Variants in EPHA7 observed in about 807,000 individuals in gnomAD.
The protein encoded by EPHA7 is EPH receptor A7.
A neutral mutation model predicts 112.6 loss-of-function variants in EPHA7; 25 were observed. That is an observed-to-expected ratio of 0.22 (90% CI 0.16 to 0.31). The LOEUF (loss-of-function observed/expected upper bound fraction) is 0.31. EPHA7 is among the 10% of genes least tolerant of loss of function. The pLI is 1.00. For synonymous variants in EPHA7, 437 were observed against 406.5 expected, an observed-to-expected ratio of 1.07 and a Z score of -0.90; for missense variants, 962 against 1,212.6, an observed-to-expected ratio of 0.79 and a Z score of 3.07.
At chr6:93,383,410 T>A (rs935326149) in intron 3 of EPHA7, among the ~76,000 whole-genome samples, 2 of 151,756 alleles carry the variant, frequency 1.3e-5, no homozygotes, top group Admixed American at 6.6e-5. Flanking sequence ...TTCCTCAGTT[T>A]AACGTGAGGA....
rs532884380 is a variant in EPHA7 at position 93,292,599 on chromosome 6, T to C, written c.1325-20177A>G. 7.9e-5 allele frequency among the ~76,000 whole-genome samples: 12 copies of C among 152,252 alleles called. No homozygotes were observed. In the South Asian group the frequency reaches 2.5e-3, roughly 32 times the overall value. On this transcript the variant is annotated intron_variant, in intron 5 of 16. Coordinates refer to ENST00000369303, the MANE Select transcript of EPHA7 (RefSeq NM_004440.4). ...TACTGTATTAGGCTATTAATATCTA[T>C]TGCTTTAGATCAATATCCAAGAAAT...
intron 5 of EPHA7, among the ~76,000 whole-genome samples, chr6:93,309,822 TG>T (rs1421353760): frequency 1.3e-5 from 2 of 152,166 alleles, no homozygotes; most frequent in Non-Finnish European, 2.9e-5. Context: ...CATGAGTAGT[TG>T]CACAATTAAA....
chr6:93,294,190 T>C (rs771418748), intron 5 of EPHA7, among the ~76,000 whole-genome samples: 3 of 152,216 alleles, frequency 2.0e-5, no homozygotes, highest in African/African-American at 4.8e-5. Flanking sequence ...ATGTTAGCTA[T>C]GGAAAAAGTC....
At chr6:93,304,165 AG>A (rs1562083091) in intron 5 of EPHA7, among the ~76,000 whole-genome samples, 1 of 152,118 alleles carries the variant, frequency 6.6e-6, no homozygotes, top group East Asian at 1.9e-4. Context: ...CTTGTAGTAT[AG>A]TAATTATACT....
At position 93,285,787 on chromosome 6, in the gene EPHA7, C is replaced by T. The variant is rs111972138; in HGVS notation, c.1325-13365G>A. Reference sequence around the variant, plus strand: ...ATAATCTCCAGCCAGCAAGAAATAACGAACTCAAAAACTAACTAGGATATA... The same window carrying T: ...ATAATCTCCAGCCAGCAAGAAATAATGAACTCAAAAACTAACTAGGATATA... On this transcript the variant is annotated intron_variant, in intron 5 of 16. Coordinates refer to ENST00000369303, the MANE Select transcript of EPHA7 (RefSeq NM_004440.4). 4.7e-3 allele frequency among the ~76,000 whole-genome samples: 717 copies of T among 152,244 alleles called. 6 individuals carry two copies. The highest frequency in any genetic ancestry group is 0.017 in the African/African-American group (686 of 41,540).
At chr6:93,370,215 T>C (rs1040723221) in intron 3 of EPHA7, among the ~76,000 whole-genome samples, 1 of 152,152 alleles carries the variant, frequency 6.6e-6, no homozygotes, top group Non-Finnish European at 1.5e-5. Flanking sequence ...AAGCTGAGAA[T>C]TATAAGTTAT....
chr6:93,379,020 T>C (rs748529374), intron 3 of EPHA7, among the ~76,000 whole-genome samples: 33 of 152,138 alleles, frequency 2.2e-4, no homozygotes, highest in Non-Finnish European at 3.4e-4. Flanking sequence ...AACACAAACA[T>C]ATATTGAATA....
chr6:93,351,894 A>AT (rs2033575419), intron 5 of EPHA7, among the ~76,000 whole-genome samples: 1 of 152,122 alleles, frequency 6.6e-6, no homozygotes, highest in Non-Finnish European at 1.5e-5. Context: ...TATTTGCTCA[A>AT]TTTTTACAAT....
At chr6:93,312,080 A>T (rs770086528) in intron 5 of EPHA7, among the ~76,000 whole-genome samples, 7 of 152,174 alleles carry the variant, frequency 4.6e-5, no homozygotes, top group African/African-American at 9.6e-5. Flanking sequence ...GACAGAGTAA[A>T]TTTAACATAA....
intron 6 of EPHA7, among the ~76,000 whole-genome samples, chr6:93,271,850 T>A (rs1391629676): frequency 1.3e-5 from 2 of 151,876 alleles, no homozygotes; most frequent in Non-Finnish European, 2.9e-5. Flanking sequence ...ATATTTATTA[T>A]ACAAAATATT....
chr6:93,310,474 G>C (rs192732261), intron 5 of EPHA7, among the ~76,000 whole-genome samples: 21 of 152,224 alleles, frequency 1.4e-4, no homozygotes, highest in Admixed American at 1.3e-3. Context: ...AGACCAGCCT[G>C]GCCAAGATGG....
At chr6:93,279,375 C>T (rs961107089) in intron 5 of EPHA7, among the ~76,000 whole-genome samples, 1 of 152,134 alleles carries the variant, frequency 6.6e-6, no homozygotes, top group African/African-American at 2.4e-5. Context: ...TGACCAGACA[C>T]TTATCAATAA....
chr6:93,373,796 A>G (rs935786540), intron 3 of EPHA7, among the ~76,000 whole-genome samples: 3 of 151,814 alleles, frequency 2.0e-5, no homozygotes, highest in South Asian at 2.1e-4. Context: ...CAAGCTTAAC[A>G]TAAGTGTGCC....
In EPHA7 at chr6:93,410,940, G is replaced by A; in HGVS notation, c.393C>T (p.Asp131=). Reference sequence around the variant, plus strand: ...CTCTTATATTCCTGCCAGTGTCATAGTCTGTTTCATAATAGTACAAATTAA... The same window carrying A: ...CTCTTATATTCCTGCCAGTGTCATAATCTGTTTCATAATAGTACAAATTAA... ...ETFNLYYYET[D]YDTGRNIREN... Residue 131 remains aspartate (D), a synonymous_variant, in exon 3 of 17, where the codon GAC becomes GAT. Coordinates refer to ENST00000369303, the MANE Select transcript of EPHA7 (RefSeq NM_004440.4). This position sits in a 1 kb window ranked among gnomAD's most constrained non-coding sequence, Gnocchi z 4.0. 6.2e-7 allele frequency: 1 copy of A among 1,613,986 alleles called. No homozygotes were observed. The highest frequency in any genetic ancestry group is 8.5e-7 in the Non-Finnish European group (1 of 1,179,960).
intron 3 of EPHA7, among the ~76,000 whole-genome samples, chr6:93,398,773 G>C (rs569527913): frequency 2.1e-4 from 32 of 152,110 alleles, no homozygotes; most frequent in African/African-American, 7.2e-4. Context: ...ATTTACAAAG[G>C]AGGGAAATGA....
At chr6:93,396,158 T>C (rs909074614) in intron 3 of EPHA7, among the ~76,000 whole-genome samples, 3 of 151,876 alleles carry the variant, frequency 2.0e-5, no homozygotes, top group Non-Finnish European at 4.4e-5. Context: ...ACATGTCATT[T>C]ATCTGTCGAA....
intron 5 of EPHA7, among the ~76,000 whole-genome samples, chr6:93,349,518 G>A (rs139311188): frequency 5.3e-5 from 8 of 151,960 alleles, no homozygotes; most frequent in Non-Finnish European, 1.0e-4. Flanking sequence ...ACATATGAAT[G>A]TATGTTTTAA....
intron 5 of EPHA7, among the ~76,000 whole-genome samples, chr6:93,334,385 A>T (rs1441734600): frequency 2.6e-5 from 4 of 152,030 alleles, no homozygotes; most frequent in Non-Finnish European, 5.9e-5. Context: ...CAACAAAAAA[A>T]TTGACAAATG....
intron 5 of EPHA7, among the ~76,000 whole-genome samples, chr6:93,344,498 G>T (rs552734199): frequency 6.6e-6 from 1 of 151,660 alleles, no homozygotes; most frequent in South Asian, 2.1e-4. Context: ...TTACCAGTCT[G>T]ATAAATGTTG....
Sources: gnomAD v4.1 joint callset for allele counts (sites outside exome capture counted in the v4.1 genomes callset) on GRCh38, gnomAD v4.1.1 for gene constraint, Gnocchi (gnomAD v3.1) non-coding constraint, MANE v1.5 for transcripts, NCBI Gene and HGNC (gene_info 2026-07-23, HGNC 2026-07-21) for gene names.